The following ATE1 variants were observed in gnomAD, a reference collection of about 807,000 sequenced individuals.
The protein encoded by ATE1 is arginyltransferase 1, also known as arginyl-tRNA--protein transferase 1.
Under a neutral mutation model 70.5 loss-of-function variants are expected in ATE1, and 36 were observed. That is an observed-to-expected ratio of 0.51 (90% CI 0.39 to 0.67). The LOEUF is 0.67. ATE1 is among the 30% of genes least tolerant of loss of function. The pLI, the probability that ATE1 is intolerant of heterozygous loss-of-function variation, is 0.00. For synonymous variants in ATE1, 232 were observed against 219.3 expected, an observed-to-expected ratio of 1.06 and a Z score of -0.51; for missense variants, 593 against 629.5, an observed-to-expected ratio of 0.94 and a Z score of 0.62.
At chr10:121,838,292 TTCCACCTGCGTCCTTCTCACCAAC>T (rs1564883052) in intron 9 of ATE1, among the ~76,000 whole-genome samples, 93 of 152,082 alleles carry the variant, frequency 6.1e-4, no homozygotes, top group Middle Eastern at 3.4e-3. Context: ...ACAAGTGCTA[TTCCACCTGCGTCCTTCTCACCAAC>T]TCCACCTGCC....
intron 7 of ATE1, among the ~76,000 whole-genome samples, chr10:121,873,894 T>C (rs113410802): frequency 6.6e-6 from 1 of 152,250 alleles, no homozygotes; most frequent in African/African-American, 2.4e-5. Context: ...ACATTTTTTT[T>C]TCCTAACCCA....
intron 10 of ATE1, among the ~76,000 whole-genome samples, chr10:121,803,565 C>A (rs1946979216): frequency 1.3e-5 from 2 of 152,170 alleles, no homozygotes. Context: ...TAGGATCTGT[C>A]CCCTCAGAAA....
At chr10:121,901,108 A>G (rs1950964064) in intron 6 of ATE1, among the ~76,000 whole-genome samples, 1 of 152,116 alleles carries the variant, frequency 6.6e-6, no homozygotes. Flanking sequence ...TCTATTAAAA[A>G]TATCAGAAAT....
Position 121,873,578 on chromosome 10 carries a change from A to C in ATE1, c.943-3540T>G, listed in dbSNP as rs1034344109. Among the ~76,000 whole-genome samples the C allele has an allele frequency of 2.0e-5, 3 of 152,062 alleles. No individual in the cohort carries two copies. In the East Asian group the frequency reaches 5.8e-4, roughly 29 times the overall value. On this transcript the variant is annotated intron_variant, in intron 7 of 11. Transcript: ENST00000224652. ...AGACCTCCTATTAGTTACAATCAGT[A>C]AGTTCTTTTTCTAAGTATAGGGGTA...
intron 7 of ATE1, among the ~76,000 whole-genome samples, chr10:121,872,977 C>T (rs1397930011): frequency 6.6e-6 from 1 of 152,016 alleles, no homozygotes; most frequent in Non-Finnish European, 1.5e-5. Flanking sequence ...TCTGATTCTG[C>T]AGATGGGCAT....
intron 11 of ATE1, among the ~76,000 whole-genome samples, chr10:121,759,207 A>C (rs1944931216): frequency 6.6e-6 from 1 of 152,224 alleles, no homozygotes; most frequent in Non-Finnish European, 1.5e-5. Context: ...ACAAATCATA[A>C]GTAAAACAGC....
intron 7 of ATE1, among the ~76,000 whole-genome samples, chr10:121,881,012 T>C (rs1950207864): frequency 6.6e-6 from 1 of 152,214 alleles, no homozygotes; most frequent in African/African-American, 2.4e-5. Context: ...TGTATGTAAA[T>C]TGCTCAACAC....
At chr10:121,833,231 G>A (rs552223827) in intron 10 of ATE1, among the ~76,000 whole-genome samples, 8 of 151,430 alleles carry the variant, frequency 5.3e-5, no homozygotes, top group South Asian at 2.1e-4. Context: ...TTAGAACTGC[G>A]TATCTGTTAC....
At chr10:121,847,873 C>A (rs1948895575) in intron 8 of ATE1, among the ~76,000 whole-genome samples, 1 of 151,262 alleles carries the variant, frequency 6.6e-6, no homozygotes, top group Admixed American at 6.6e-5. Context: ...AGATCGAGAC[C>A]ATCCTGGCTA....
At chr10:121,920,261 G>A (rs1951825728) in intron 3 of ATE1, among the ~76,000 whole-genome samples, 1 of 152,070 alleles carries the variant, frequency 6.6e-6, no homozygotes, top group African/African-American at 2.4e-5. Context: ...TGAGGCAGGA[G>A]GCTCCTTTGA....
At chr10:121,836,512 A>C (rs1301574900) in intron 10 of ATE1, among the ~76,000 whole-genome samples, 1 of 152,116 alleles carries the variant, frequency 6.6e-6, no homozygotes, top group African/African-American at 2.4e-5. Context: ...ATATACTTAA[A>C]TCTCACAATA....
intron 3 of ATE1, among the ~76,000 whole-genome samples, chr10:121,919,479 T>C (rs1283454511): frequency 1.3e-5 from 2 of 151,932 alleles, no homozygotes; most frequent in East Asian, 3.9e-4. Flanking sequence ...GAGAATCGCT[T>C]GAACACGGGA....
intron 11 of ATE1, among the ~76,000 whole-genome samples, chr10:121,758,890 A>C (rs990480356): frequency 4.5e-4 from 69 of 152,134 alleles, no homozygotes; most frequent in African/African-American, 1.6e-3. Context: ...GGCAAACTTA[A>C]TTGATAAATG....
intron 7 of ATE1, among the ~76,000 whole-genome samples, chr10:121,882,958 A>G (rs1035439011): frequency 6.6e-6 from 1 of 152,338 alleles, no homozygotes; most frequent in Non-Finnish European, 1.5e-5. Context: ...AACTTCAGAC[A>G]TTGAAATCAA....
intron 3 of ATE1, among the ~76,000 whole-genome samples, chr10:121,916,589 AC>A (rs1951668713): frequency 6.6e-6 from 1 of 152,018 alleles, no homozygotes; most frequent in South Asian, 2.1e-4. Flanking sequence ...CAATCCCAAC[AC>A]TTTGGGAGGC....
At chr10:121,902,284 A>T in intron 6 of ATE1, 107 bp downstream of exon 6, 1 of 1,003,538 alleles carries the variant, frequency 1.0e-6, no homozygotes, top group Non-Finnish European at 1.4e-6. Context: ...AATTCTCATT[A>T]TTTAACTAGC....
intron 3 of ATE1, among the ~76,000 whole-genome samples, chr10:121,916,779 G>A (rs1951677636): frequency 6.6e-6 from 1 of 151,456 alleles, no homozygotes; most frequent in Non-Finnish European, 1.5e-5. Flanking sequence ...AGGGAGCAGT[G>A]AGCCAAGATC....
At chr10:121,836,361 G>A (rs1354409715) in intron 10 of ATE1, among the ~76,000 whole-genome samples, 1 of 152,130 alleles carries the variant, frequency 6.6e-6, no homozygotes, top group African/African-American at 2.4e-5. Flanking sequence ...TTGCTATCGC[G>A]GTGGGTGGAA....
At position 121,851,521 on chromosome 10, in the gene ATE1, C is replaced by T. The variant is rs1949055954; in HGVS notation, c.976-10258G>A. ...AACTGTCATTAGTTGTGAGAAACAA[C>T]AATATACAAATAAAAGCACTTTGCA... On this transcript the variant is annotated intron_variant, in intron 8 of 11. Coordinates refer to ENST00000224652, the MANE Select transcript of ATE1 (RefSeq NM_001001976.3). Among the ~76,000 whole-genome samples, 4 of 152,202 alleles carry T rather than the reference C, an allele frequency of 2.6e-5. No individual in the cohort carries two copies. In the South Asian group the frequency reaches 8.3e-4, roughly 31 times the overall value.
Sources: gnomAD v4.1 joint callset for allele counts (sites outside exome capture counted in the v4.1 genomes callset) on GRCh38, gnomAD v4.1.1 for gene constraint, MANE v1.5 for transcripts, NCBI Gene and HGNC (gene_info 2026-07-23, HGNC 2026-07-21) for gene names.